The following EIF2A variants were observed in gnomAD, a reference collection of about 807,000 sequenced individuals.
EIF2A encodes the protein 65 kDa eukaryotic translation initiation factor 2A.
In EIF2A, 62 loss-of-function variants were observed where a neutral mutation model predicts 75.2. That is an observed-to-expected ratio of 0.82 (90% CI 0.67 to 1.02). The LOEUF is 1.02. EIF2A is among the 50% of genes least tolerant of loss of function. EIF2A has a pLI of 0.00. For synonymous variants in EIF2A, 207 were observed against 239.0 expected (o/e 0.87, Z 1.23); for missense variants, 611 against 677.7 (o/e 0.90, Z 1.09).
Position 150,572,177 on chromosome 3 carries a change from G to A in EIF2A, c.1031G>A (p.Trp344Ter), listed in dbSNP as rs1045198713. 14 of 1,613,790 alleles carry A rather than the reference G, an allele frequency of 8.7e-6. No individual in the cohort carries two copies. In the Admixed American group the frequency reaches 1.0e-4, roughly 12 times the overall value. The change falls in exon 10 of 14, where the codon TGG becomes TAG. Residue 344 changes from tryptophan to a stop codon, truncating the protein, a stop_gained. Coordinates refer to ENST00000460851, the MANE Select transcript of EIF2A (RefSeq NM_032025.5). LOFTEE classifies it high-confidence loss of function. ...FGNLRGQMEV[W>*]DVKNYKLISK... ...AATCTGAGGGGACAAATGGAAGTGT[G>A]GGATGTGAAAAACTACAAACTTATT...
At chr3:150,567,553 G>C in intron 6 of EIF2A, 140 bp from the exon 7 acceptor site, 2 of 630,748 alleles carry the variant, frequency 3.2e-6, no homozygotes, top group Non-Finnish European at 5.5e-6. Flanking sequence ...TTTCCACTGT[G>C]TTACTGTATC....
chr3:150,547,637 T>C (rs1001257435), intron 1 of EIF2A, among the ~76,000 whole-genome samples: 1 of 152,300 alleles, frequency 6.6e-6, no homozygotes, highest in Non-Finnish European at 1.5e-5. Flanking sequence ...GAAAAAGTCA[T>C]TAAGAGAAAG....
At chr3:150,569,757 A>G (rs950141922) in intron 9 of EIF2A, among the ~76,000 whole-genome samples, 9 of 151,964 alleles carry the variant, frequency 5.9e-5, no homozygotes, top group Admixed American at 1.3e-4. Context: ...GGAGGTTGCA[A>G]TGAGCCAAGA....
In EIF2A at chr3:150,584,972, G is replaced by T. The variant is rs948644408; in HGVS notation, c.*1061G>T. On this transcript the variant is annotated 3_prime_UTR_variant, in exon 14 of 14. Transcript: ENST00000460851. ...TTTTTTGTGTATCTTTCTAATGATAGATACCATATGAGTATTCAAATATAC... is the reference window on the plus strand; with the variant it reads ...TTTTTTGTGTATCTTTCTAATGATATATACCATATGAGTATTCAAATATAC... Among the ~76,000 whole-genome samples the T allele has an allele frequency of 2.0e-5, 3 of 150,992 alleles. No individual in the cohort carries two copies. Among genetic ancestry groups the T allele is most frequent in the African/African-American group, 7.3e-5 (3 of 40,986 alleles).
intron 10 of EIF2A, 67 bp downstream of exon 10, chr3:150,572,596 C>T (rs868039412): frequency 6.0e-5 from 87 of 1,454,598 alleles, no homozygotes; most frequent in Middle Eastern, 1.8e-4. Flanking sequence ...GGTTCACATC[C>T]GTAATCCCAG....
chr3:150,581,257 A>G (rs1353509121), intron 11 of EIF2A, among the ~76,000 whole-genome samples: 1 of 152,206 alleles, frequency 6.6e-6, no homozygotes, highest in Non-Finnish European at 1.5e-5. Context: ...GTACTTGATC[A>G]TACATATTCT....
In EIF2A at chr3:150,584,832, C is replaced by G. The variant is rs1341327406; in HGVS notation, c.*921C>G. On this transcript the variant is annotated 3_prime_UTR_variant, in exon 14 of 14. Transcript: ENST00000460851. ...GAGTATCCTATGTAGTAACAAAATC[C>G]TTTTTTAAAAATTTTTAAAGAAAAA... Among the ~76,000 whole-genome samples, 3 of 150,638 alleles carry G rather than the reference C, an allele frequency of 2.0e-5. No homozygotes were observed. Among genetic ancestry groups the G allele is most frequent in the Non-Finnish European group, 3.0e-5 (2 of 67,774 alleles).
chr3:150,556,796 G>C (rs956368872), intron 2 of EIF2A, among the ~76,000 whole-genome samples: 1 of 152,152 alleles, frequency 6.6e-6, no homozygotes, highest in African/African-American at 2.4e-5. Context: ...TCGAATTCTG[G>C]ATTCTGTAGT....
intron 9 of EIF2A, among the ~76,000 whole-genome samples, chr3:150,571,561 C>T (rs555519086): frequency 6.6e-6 from 1 of 152,172 alleles, no homozygotes; most frequent in Non-Finnish European, 1.5e-5. Context: ...AAGCTGTGAT[C>T]ATGCCACTGC....
chr3:150,558,376 TGTCA>T lies in EIF2A; in HGVS notation c.99-11_99-8del. Reference sequence around the variant, plus strand: ...CTTATTCATTTAAACCTTTTTTTTTTGTCATTTTCAGGGAATCTGGGAAGAATTG... The same window carrying T: ...CTTATTCATTTAAACCTTTTTTTTTTTTTTCAGGGAATCTGGGAAGAATTG... On this transcript the variant is annotated splice_polypyrimidine_tract_variant and splice_region_variant and intron_variant, in intron 2 of 13. Coordinates refer to ENST00000460851, the MANE Select transcript of EIF2A (RefSeq NM_032025.5). The T allele has an allele frequency of 6.7e-7, 1 of 1,503,670 alleles. No individual in the cohort carries two copies. Among genetic ancestry groups the T allele is most frequent in the Admixed American group, 2.8e-5 (1 of 36,358 alleles). The allele number at this position is 1,503,670 out of a possible 1,614,324, so 93.1% of individuals were successfully genotyped here. A position where few individuals can be genotyped will look rare whatever the true frequency, so the allele number is the denominator to read the frequency against.
chr3:150,572,397 G>C lies in EIF2A; in HGVS notation c.1251G>C (p.Leu417Phe). 1 of 1,613,832 alleles carries C rather than the reference G, an allele frequency of 6.2e-7. No homozygotes were observed. The highest frequency in any genetic ancestry group is 8.5e-7 in the Non-Finnish European group (1 of 1,179,844). The change falls in exon 10 of 14, where the codon TTG becomes TTC. Residue 417 changes from leucine (L) to phenylalanine (F), a missense_variant. By Grantham distance (22) the Leu-to-Phe change is conservative (BLOSUM62 0). Coordinates refer to ENST00000460851, the MANE Select transcript of EIF2A (RefSeq NM_032025.5). Reference sequence around the variant, plus strand: ...GGCAGGTTTCTTGGCAGCCATTTTTGGATGGAATATTTCCAGCAAAAACAA... The same window carrying C: ...GGCAGGTTTCTTGGCAGCCATTTTTCGATGGAATATTTCCAGCAAAAACAA... The part of the protein sequence containing the change: ...ELWQVSWQPF[L>F]DGIFPAKTIT...
intron 1 of EIF2A, among the ~76,000 whole-genome samples, chr3:150,548,624 A>G (rs1723162053): frequency 6.6e-6 from 1 of 152,208 alleles, no homozygotes; most frequent in Admixed American, 6.5e-5. Flanking sequence ...TAAGAGCGCA[A>G]ACCCTATTTT....
In EIF2A at chr3:150,564,312, T is replaced by C; in HGVS notation, c.406T>C (p.Ser136Pro). The C allele has an allele frequency of 6.3e-7, 1 of 1,593,700 alleles. No homozygotes were observed. The change falls in exon 6 of 14, where the codon TCA becomes CCA. Residue 136 changes from serine to proline, a missense_variant. Transcript: ENST00000460851. ...TCATTGACATAGGTGTCCATCCTGG[T>C]CAGAAGATGAAACTCTTTGTGCCCG... ...KKMQNWCPSW[S>P]EDETLCARNV...
chr3:150,554,685 C>G (rs992337880), intron 2 of EIF2A, among the ~76,000 whole-genome samples: 5 of 152,192 alleles, frequency 3.3e-5, no homozygotes, highest in African/African-American at 1.2e-4. Context: ...TCAAAAGATG[C>G]TGAAACCTTT....
At chr3:150,568,342 A>C (rs1724307105) in intron 9 of EIF2A, 50 bp downstream of exon 9, 3 of 1,360,374 alleles carry the variant, frequency 2.2e-6, no homozygotes, top group African/African-American at 2.9e-5. Flanking sequence ...ATAGTAAAAA[A>C]TACTATGCCA....
chr3:150,575,334 CTGT>C (rs1184159967), intron 10 of EIF2A, among the ~76,000 whole-genome samples: 2 of 152,130 alleles, frequency 1.3e-5, no homozygotes, highest in Non-Finnish European at 2.9e-5. Flanking sequence ...TCAGAAGAAG[CTGT>C]TGTTGGTATC....
At position 150,567,999 on chromosome 3, in the gene EIF2A, A is replaced by G. The variant is rs572669520; in HGVS notation, c.647A>G (p.Lys216Arg). 1.1e-5 allele frequency: 17 copies of G among 1,612,970 alleles called. No homozygotes were observed. The highest frequency in any genetic ancestry group is 1.4e-5 in the Non-Finnish European group (17 of 1,179,640). ...FAGPHAALAN[K>R]SFFKADKVTM... ...GGACCTCATGCAGCTTTAGCTAATA[A>G]AAGTTTCTTTAAGGCAGATAAAGTT... is the stretch of plus-strand genomic sequence containing the variant. Residue 216 changes from lysine to arginine, a missense_variant, in exon 8 of 14, where the codon AAA becomes AGA. By Grantham distance (26) the Lys-to-Arg change is conservative. Coordinates refer to ENST00000460851, the MANE Select transcript of EIF2A (RefSeq NM_032025.5).
At chr3:150,565,105 C>T in intron 6 of EIF2A, 1 of 443,094 alleles carries the variant, frequency 2.3e-6, no homozygotes, top group Non-Finnish European at 4.5e-6. Flanking sequence ...GGTTATTTGT[C>T]TTTCACGTTT....
Position 150,572,037 on chromosome 3 carries a change from C to T in EIF2A, c.891C>T (p.Ala297=). The change falls in exon 10 of 14, where the codon GCC becomes GCT. Residue 297 remains alanine, a synonymous_variant. Transcript: ENST00000460851. The stretch of plus-strand genomic sequence containing the variant: ...GTGCTGTATATGGTTTTATGCCTGC[C>T]AAAGCGACAATTTTCAACTTGAAAT... ...EFCAVYGFMP[A]KATIFNLKCD... 6.2e-7 allele frequency: 1 copy of T among 1,613,854 alleles called. No homozygotes were observed. Among genetic ancestry groups the T allele is most frequent in the Non-Finnish European group, 8.5e-7 (1 of 1,179,880 alleles).
Sources: allele counts gnomAD v4.1 joint callset (sites outside exome capture counted in the v4.1 genomes callset), GRCh38; gene constraint gnomAD v4.1.1; transcripts MANE v1.5; gene names NCBI Gene and HGNC (gene_info 2026-07-23, HGNC 2026-07-21).